The following CHST11 variants were observed in gnomAD, a reference collection of about 807,000 sequenced individuals.
CHST11 encodes the protein carbohydrate sulfotransferase 11, also known as C4S-1.
CHST11 carries 9 observed loss-of-function variants against 30.4 expected under a neutral mutation model. The ratio of observed to expected loss-of-function variants is 0.30; its 90% confidence interval spans 0.18 to 0.52. The LOEUF (loss-of-function observed/expected upper bound fraction) is 0.52, where lower values mean the gene tolerates loss of function less well. Ranked by LOEUF, CHST11 falls within the 20% of genes least tolerant of loss-of-function variation. The probability of loss-of-function intolerance (pLI) is 0.97; values close to 1 mark genes in which losing one functional copy is unlikely to be tolerated. For synonymous variants in CHST11, 152 were observed against 187.8 expected, an observed-to-expected ratio of 0.81 and a Z score of 1.56; for missense variants, 348 against 460.6, an observed-to-expected ratio of 0.76 and a Z score of 2.24.
chr12:104,632,022 C>G (rs1174309760), intron 2 of CHST11, among the ~76,000 whole-genome samples: 1 of 152,188 alleles, frequency 6.6e-6, no homozygotes, highest in African/African-American at 2.4e-5. Flanking sequence ...AACACCAACC[C>G]TTCCCTCGAG....
intron 2 of CHST11, among the ~76,000 whole-genome samples, chr12:104,746,103 A>G (rs1003002643): frequency 6.6e-6 from 1 of 152,176 alleles, no homozygotes; most frequent in Non-Finnish European, 1.5e-5. Flanking sequence ...TGAGAAATTG[A>G]AACATCTCGA....
chr12:104,664,946 C>A (rs918551520), intron 2 of CHST11, among the ~76,000 whole-genome samples: 1 of 152,142 alleles, frequency 6.6e-6, no homozygotes, highest in African/African-American at 2.4e-5. Context: ...AGGCAAACCT[C>A]GAGGGTTAAT....
intron 1 of CHST11, among the ~76,000 whole-genome samples, chr12:104,574,363 A>G (rs1297154491): frequency 6.6e-6 from 1 of 152,228 alleles, no homozygotes; most frequent in Admixed American, 6.5e-5. Context: ...ATTACTGGGT[A>G]TATACCCAAA....
At chr12:104,463,935 T>G (rs1486104208) in intron 1 of CHST11, among the ~76,000 whole-genome samples, 1 of 152,156 alleles carries the variant, frequency 6.6e-6, no homozygotes, top group Non-Finnish European at 1.5e-5. Flanking sequence ...ACAATTGTTT[T>G]GAGCCTTGGG....
At chr12:104,561,436 T>C (rs1198106723) in intron 1 of CHST11, among the ~76,000 whole-genome samples, 2 of 152,224 alleles carry the variant, frequency 1.3e-5, no homozygotes, top group African/African-American at 2.4e-5. Flanking sequence ...GGTGTACTTC[T>C]TGTTCAAAGG....
intron 1 of CHST11, among the ~76,000 whole-genome samples, chr12:104,532,145 C>A (rs200599619): frequency 6.6e-6 from 1 of 152,222 alleles, no homozygotes; most frequent in Non-Finnish European, 1.5e-5. Context: ...CCCCACGAAT[C>A]GGCTTTCATG....
chr12:104,457,602 T>C (rs1342258793), intron 1 of CHST11, 73 bp downstream of exon 1: 1 of 1,100,100 alleles, frequency 9.1e-7, no homozygotes, highest in African/African-American at 1.5e-5. Flanking sequence ...CCGCCTGATT[T>C]CTGCCTCTTC....
intron 2 of CHST11, among the ~76,000 whole-genome samples, chr12:104,717,833 C>T (rs1355633848): frequency 2.0e-5 from 3 of 151,716 alleles, no homozygotes; most frequent in Admixed American, 6.6e-5. Flanking sequence ...GCCTGTAATC[C>T]CAGCTACTTG....
intron 2 of CHST11, among the ~76,000 whole-genome samples, chr12:104,606,555 T>C (rs1592790367): frequency 6.6e-6 from 1 of 152,090 alleles, no homozygotes; most frequent in East Asian, 1.9e-4. Flanking sequence ...AATGTGCCAA[T>C]CACACAGCTC....
intron 1 of CHST11, among the ~76,000 whole-genome samples, chr12:104,499,398 G>C (rs2037831019): frequency 1.0e-5 from 1 of 98,904 alleles, no homozygotes; most frequent in Non-Finnish European, 2.0e-5. Flanking sequence ...GGATGAATTA[G>C]GGACTCCAAA....
At position 104,677,307 on chromosome 12, in the gene CHST11, G is replaced by T. The variant is rs562720468; in HGVS notation, c.204+75316G>T. 3.3e-5 allele frequency among the ~76,000 whole-genome samples: 5 copies of T among 152,276 alleles called. No homozygotes were observed. The South Asian group carries it at 1.0e-3, about 32-fold the overall frequency. ...GGGTCCCCATGGCCTCCAAAAAGCA[G>T]AAAAACAACAAAACCTGGTTCTAAC... On this transcript the variant is annotated intron_variant, in intron 2 of 2. Coordinates refer to ENST00000303694, the MANE Select transcript of CHST11 (RefSeq NM_018413.6).
Position 104,458,711 on chromosome 12 carries a change from C to G in CHST11, c.118+1182C>G, listed in dbSNP as rs1235426120. Among the ~76,000 whole-genome samples the G allele has an allele frequency of 6.6e-6, 1 of 152,266 alleles. No individual in the cohort carries two copies. Among genetic ancestry groups the G allele is most frequent in the East Asian group, 1.9e-4 (1 of 5,198 alleles). ...TTTTCTACGCCTCCGAGTTGCCTTT[C>G]TCAGCGTAGTCACAGCAATAATTTG... On this transcript the variant is annotated intron_variant, in intron 1 of 2. Coordinates refer to ENST00000303694, the MANE Select transcript of CHST11 (RefSeq NM_018413.6). The surrounding 1 kb of genome is among the most constrained non-coding windows in gnomAD (Gnocchi z 5.7).
chr12:104,458,685 A>G lies in CHST11; in HGVS notation c.118+1156A>G, dbSNP rs1250256517. On this transcript the variant is annotated intron_variant, in intron 1 of 2. Coordinates refer to ENST00000303694, the MANE Select transcript of CHST11 (RefSeq NM_018413.6). The surrounding 1 kb of genome is among the most constrained non-coding windows in gnomAD (Gnocchi z 5.7). ...CCGGGCCACGTTGGCTCAGAAATCC[A>G]TTTTCTACGCCTCCGAGTTGCCTTT... 6.6e-6 allele frequency among the ~76,000 whole-genome samples: 1 copy of G among 152,116 alleles called. No homozygotes were observed. The highest frequency in any genetic ancestry group is 1.5e-5 in the Non-Finnish European group (1 of 68,020).
intron 1 of CHST11, among the ~76,000 whole-genome samples, chr12:104,543,315 C>A (rs1284816597): frequency 6.6e-6 from 1 of 152,232 alleles, no homozygotes; most frequent in African/African-American, 2.4e-5. Context: ...CCTAGGCCCA[C>A]GCCCAACATT....
At chr12:104,741,761 C>T (rs761729662) in intron 2 of CHST11, among the ~76,000 whole-genome samples, 7 of 152,200 alleles carry the variant, frequency 4.6e-5, no homozygotes, top group Non-Finnish European at 1.0e-4. Flanking sequence ...GTAAAAGCGA[C>T]GCTCAATCAT....
intron 2 of CHST11, among the ~76,000 whole-genome samples, chr12:104,646,485 G>C (rs1305984718): frequency 6.6e-6 from 1 of 152,142 alleles, no homozygotes. Context: ...TGTAATCCCA[G>C]CACTTTGGGA....
At chr12:104,509,800 C>T (rs1412584409) in intron 1 of CHST11, among the ~76,000 whole-genome samples, 1 of 152,164 alleles carries the variant, frequency 6.6e-6, no homozygotes, top group Non-Finnish European at 1.5e-5. Context: ...TTCCATATTG[C>T]CTGTGTTATT....
At chr12:104,632,544 G>C (rs1042922256) in intron 2 of CHST11, among the ~76,000 whole-genome samples, 9 of 152,220 alleles carry the variant, frequency 5.9e-5, no homozygotes, top group Non-Finnish European at 1.2e-4. Flanking sequence ...TTCTCTAACT[G>C]TGGAATTTCA....
intron 2 of CHST11, among the ~76,000 whole-genome samples, chr12:104,722,287 G>A (rs764474585): frequency 1.3e-5 from 2 of 152,028 alleles, no homozygotes; most frequent in Non-Finnish European, 2.9e-5. Flanking sequence ...ACAGATGCGA[G>A]CCACTGTGCC....
Sources: allele counts gnomAD v4.1 joint callset (sites outside exome capture counted in the v4.1 genomes callset), GRCh38; gene constraint gnomAD v4.1.1; non-coding constraint Gnocchi (gnomAD v3.1); transcripts MANE v1.5; gene names NCBI Gene and HGNC (gene_info 2026-07-23, HGNC 2026-07-21).